The following ARHGAP40 variants were observed in gnomAD, a reference collection of about 807,000 sequenced individuals.
The protein encoded by ARHGAP40 is rho GTPase-activating protein 40.
A neutral mutation model predicts 73.5 loss-of-function variants in ARHGAP40; 43 were observed. The observed-to-expected ratio is 0.58, with a 90% CI of 0.46 to 0.75. ARHGAP40 has a LOEUF of 0.75. Among genes scored for constraint, ARHGAP40 ranks in the 30% least tolerant of loss-of-function variants. The pLI is 0.00. For missense variants in ARHGAP40, 734 were observed against 861.8 expected (o/e 0.85, Z 1.86); for synonymous variants, 300 against 352.8 (o/e 0.85, Z 1.68).
intron 9 of ARHGAP40, among the ~76,000 whole-genome samples, chr20:38,641,097 G>A (rs989481843): frequency 3.4e-5 from 5 of 146,052 alleles, no homozygotes; most frequent in East Asian, 3.9e-4. Context: ...GGGAGGGAGG[G>A]AGGAAGGAAG....
At chr20:38,622,404 C>T (rs2145601141) in intron 1 of ARHGAP40, among the ~76,000 whole-genome samples, 1 of 152,224 alleles carries the variant, frequency 6.6e-6, no homozygotes, top group East Asian at 1.9e-4. Flanking sequence ...CCATTATGAC[C>T]AACCCTACCA....
chr20:38,619,866 G>C (rs887036384), intron 1 of ARHGAP40, among the ~76,000 whole-genome samples: 3 of 151,808 alleles, frequency 2.0e-5, no homozygotes, highest in Non-Finnish European at 2.9e-5. Flanking sequence ...TGGAGTCAAG[G>C]CATTTAAGGG....
rs149821073 is a variant in ARHGAP40 at position 38,631,883 on chromosome 20, C to T, written c.783+2233C>T. ...GTTGCAAAAACAGAACTCCCACGTACTCTGCACCTAGTTTCTCTTAGTGAT... is the reference window on the plus strand; with the variant it reads ...GTTGCAAAAACAGAACTCCCACGTATTCTGCACCTAGTTTCTCTTAGTGAT... On this transcript the variant is annotated intron_variant, in intron 5 of 14. Transcript: ENST00000373345. 2.6e-4 allele frequency among the ~76,000 whole-genome samples: 40 copies of T among 152,332 alleles called. 1 individual carries two copies. In the East Asian group the frequency reaches 6.9e-3, roughly 26 times the overall value.
intron 6 of ARHGAP40, among the ~76,000 whole-genome samples, chr20:38,635,416 C>T (rs1487245754): frequency 6.6e-6 from 1 of 152,134 alleles, no homozygotes; most frequent in Non-Finnish European, 1.5e-5. Flanking sequence ...GTAATGCCAA[C>T]AATTTGGGAG....
At chr20:38,636,186 G>A (rs2088973759) in intron 6 of ARHGAP40, among the ~76,000 whole-genome samples, 2 of 152,110 alleles carry the variant, frequency 1.3e-5, no homozygotes, top group Admixed American at 1.3e-4. Flanking sequence ...GATACAAAGA[G>A]GGGTAATGAA....
chr20:38,640,214 CTTTCT>C (rs1205059655), intron 9 of ARHGAP40, among the ~76,000 whole-genome samples: 6 of 104,950 alleles, frequency 5.7e-5, no homozygotes, highest in East Asian at 5.0e-4. Context: ...TTTCTTCTTT[CTTTCT>C]TTTTTTTTTT....
At chr20:38,603,549 T>C (rs1055395415) in intron 1 of ARHGAP40, among the ~76,000 whole-genome samples, 1 of 152,052 alleles carries the variant, frequency 6.6e-6, no homozygotes, top group Non-Finnish European at 1.5e-5. Context: ...ATGTTTCCTA[T>C]TGCTGCTATA....
intron 1 of ARHGAP40, among the ~76,000 whole-genome samples, chr20:38,618,897 T>C (rs559612488): frequency 2.8e-4 from 43 of 152,224 alleles, no homozygotes; most frequent in South Asian, 6.2e-4. Context: ...GGAGGAGACA[T>C]AGGCCCCACC....
At position 38,645,149 on chromosome 20, in the gene ARHGAP40, CTT is replaced by C. The variant is rs202158541; in HGVS notation, c.1570-887_1570-886del. Reference sequence around the variant, plus strand: ...TTTACTCTGCCTGGAATTCCCTTCCCTTTTTTTTTTTTCTAAGGGCAGAAGCC... The same window carrying C: ...TTTACTCTGCCTGGAATTCCCTTCCCTTTTTTTTTTCTAAGGGCAGAAGCC... On this transcript the variant is annotated intron_variant, in intron 11 of 14. Transcript: ENST00000373345. 1.2e-3 allele frequency among the ~76,000 whole-genome samples: 183 copies of C among 147,728 alleles called. 1 individual carries two copies. The highest frequency in any genetic ancestry group is 4.4e-3 in the African/African-American group (177 of 40,394).
chr20:38,628,559 C>A (rs984529319), intron 3 of ARHGAP40, among the ~76,000 whole-genome samples: 4 of 152,346 alleles, frequency 2.6e-5, no homozygotes, highest in African/African-American at 9.6e-5. Flanking sequence ...CAGCCTCGGC[C>A]TCCCAAAGTG....
chr20:38,627,525 TGGGGTATGTGTGTGTGTGTTGG>T (rs2088907621), intron 3 of ARHGAP40, among the ~76,000 whole-genome samples: 2 of 122,244 alleles, frequency 1.6e-5, no homozygotes, highest in African/African-American at 3.0e-5. Context: ...GTATGTGTGT[TGGGGTATGTGTGTGTGTGTTGG>T]TGTGTGTTGG....
chr20:38,602,796 A>G (rs2088743068), intron 1 of ARHGAP40, among the ~76,000 whole-genome samples: 1 of 152,164 alleles, frequency 6.6e-6, no homozygotes, highest in South Asian at 2.1e-4. Context: ...CAACCCCTCA[A>G]TTAATGTTAT....
intron 7 of ARHGAP40, among the ~76,000 whole-genome samples, chr20:38,638,166 T>A (rs576405098): frequency 7.5e-6 from 1 of 133,614 alleles, no homozygotes; most frequent in South Asian, 2.6e-4. Context: ...AAAAAAAAAA[T>A]TAGCCGGGTG....
intron 1 of ARHGAP40, among the ~76,000 whole-genome samples, chr20:38,618,958 C>G (rs2088859098): frequency 6.6e-6 from 1 of 152,152 alleles, no homozygotes; most frequent in South Asian, 2.1e-4. Flanking sequence ...TGATATCCAC[C>G]ACAACTACTG....
chr20:38,619,644 C>T lies in ARHGAP40; in HGVS notation c.138-3715C>T, dbSNP rs1037438806. Among the ~76,000 whole-genome samples the T allele has an allele frequency of 5.6e-5, 8 of 143,462 alleles. No homozygotes were observed. In the Middle Eastern group the frequency reaches 0.014, roughly 246 times the overall value. The allele number at this position is 143,462 out of a possible 152,430, so 94.1% of individuals were successfully genotyped here. On this transcript the variant is annotated intron_variant, in intron 1 of 14. Coordinates refer to ENST00000373345, the Ensembl canonical transcript of ARHGAP40. ...ATCATCTAGTATGGCAGTTAAGTGC[C>T]CTGGTAGTGGGGCTTTCAACCTGGG...
chr20:38,602,120 A>G lies in ARHGAP40; in HGVS notation c.137+41A>G, dbSNP rs1457079656. The G allele has an allele frequency of 4.8e-6, 6 of 1,258,734 alleles. No homozygotes were observed. In the South Asian group the frequency reaches 5.1e-5, roughly 11 times the overall value. The allele number at this position is 1,258,734 out of a possible 1,614,324, so 78.0% of individuals were successfully genotyped here. ...GAGCGGGAGGGAAGTTGGCCCTACT[A>G]TGCACCAGGGGCATGTGCGGTCTGT... On this transcript the variant is annotated intron_variant, in intron 1 of 14. Transcript: ENST00000373345.
rs561297419 is a variant in ARHGAP40, at chr20:38,632,382, C to G, written c.784-2238C>G. 4.1e-3 allele frequency among the ~76,000 whole-genome samples: 630 copies of G among 152,172 alleles called. 10 individuals are homozygous for G. The highest frequency in any genetic ancestry group is 0.015 in the African/African-American group (604 of 41,508). ...GGTTCATGCCATTCTCCTGCCTCAG[C>G]CCCCGAGTAGCTGGGACTACAGGCG... On this transcript the variant is annotated intron_variant, in intron 5 of 14. Transcript: ENST00000373345.
exon 3 of ARHGAP40, chr20:38,627,100 A>C: frequency 1.5e-6 from 2 of 1,305,460 alleles, no homozygotes; most frequent in Non-Finnish European, 2.0e-6. Flanking sequence ...ACCCTGACAC[A>C]GACCCAGGTG....
intron 1 of ARHGAP40, among the ~76,000 whole-genome samples, chr20:38,603,731 G>A (rs898181833): frequency 2.6e-5 from 4 of 152,174 alleles, no homozygotes; most frequent in African/African-American, 9.7e-5. Flanking sequence ...AGTCTGTAGG[G>A]GTGCATTCTG....
Sources: gnomAD v4.1 joint callset for allele counts (sites outside exome capture counted in the v4.1 genomes callset) on GRCh38, gnomAD v4.1.1 for gene constraint, MANE v1.5 for transcripts, NCBI Gene and HGNC (gene_info 2026-07-23, HGNC 2026-07-21) for gene names.